ZNF804B: variants seen among roughly 807,000 people sequenced by gnomAD.
The protein encoded by ZNF804B is zinc finger protein 804B.
In ZNF804B, 80 loss-of-function variants were observed where a neutral mutation model predicts 101.4. That is an observed-to-expected ratio of 0.79 (90% CI 0.66 to 0.95). The LOEUF (loss-of-function observed/expected upper bound fraction) is 0.95. Ranked by LOEUF, ZNF804B falls within the 40% of genes least tolerant of loss-of-function variation. ZNF804B has a pLI of 0.00. For missense variants in ZNF804B, 1,673 were observed against 1,561.9 expected (o/e 1.07, Z -1.20); for synonymous variants, 622 against 558.8 (o/e 1.11, Z -1.59).
At chr7:89,157,775 G>C (rs976376451) in intron 1 of ZNF804B, among the ~76,000 whole-genome samples, 21 of 152,106 alleles carry the variant, frequency 1.4e-4, no homozygotes, top group Admixed American at 3.9e-4. Context: ...GAAGGTAAAA[G>C]ACAGGTCAGG....
intron 1 of ZNF804B, among the ~76,000 whole-genome samples, chr7:89,145,802 A>C (rs1790781935): frequency 6.6e-6 from 1 of 152,046 alleles, no homozygotes; most frequent in South Asian, 2.1e-4. Context: ...TCAGTGCACT[A>C]ATCCAGAGGA....
At chr7:89,184,338 T>C (rs1788342230) in intron 1 of ZNF804B, among the ~76,000 whole-genome samples, 1 of 152,210 alleles carries the variant, frequency 6.6e-6, no homozygotes, top group African/African-American at 2.4e-5. Context: ...ATCCAGGTTC[T>C]AGATTCATCT....
chr7:89,251,759 C>G (rs144156423), intron 2 of ZNF804B, among the ~76,000 whole-genome samples: 1 of 151,980 alleles, frequency 6.6e-6, no homozygotes, highest in Admixed American at 6.6e-5. Context: ...AAGCTGCACA[C>G]CTATAACCAT....
intron 2 of ZNF804B, among the ~76,000 whole-genome samples, chr7:89,300,078 A>G (rs1394744963): frequency 6.6e-6 from 1 of 151,518 alleles, no homozygotes; most frequent in African/African-American, 2.4e-5. Flanking sequence ...CTTTGCCTCC[A>G]GTCTTGCCCA....
In ZNF804B at chr7:89,015,699, G is replaced by A. The variant is rs1166039091; in HGVS notation, c.109-202456G>A. Reference sequence around the variant, plus strand: ...TTTTATGGCTGCATAGTATTCCATGGTGTATATGTGTCACATTTTCTTAAT... The same window carrying A: ...TTTTATGGCTGCATAGTATTCCATGATGTATATGTGTCACATTTTCTTAAT... On this transcript the variant is annotated intron_variant, in intron 1 of 3. Transcript: ENST00000333190. 4.2e-4 allele frequency among the ~76,000 whole-genome samples: 64 copies of A among 152,184 alleles called. No individual in the cohort carries two copies. In the East Asian group the frequency reaches 6.2e-3, roughly 15 times the overall value.
chr7:88,891,090 A>G (rs1792206910), intron 1 of ZNF804B, among the ~76,000 whole-genome samples: 1 of 152,164 alleles, frequency 6.6e-6, no homozygotes, highest in African/African-American at 2.4e-5. Context: ...CACACACAAC[A>G]GTGCATGACA....
intron 1 of ZNF804B, among the ~76,000 whole-genome samples, chr7:88,859,514 T>A (rs1473660705): frequency 6.6e-6 from 1 of 152,146 alleles, no homozygotes; most frequent in Non-Finnish European, 1.5e-5. Context: ...ATTTGGGGAA[T>A]AAGAATATAC....
At chr7:88,872,934 G>C (rs1301463451) in intron 1 of ZNF804B, among the ~76,000 whole-genome samples, 1 of 152,050 alleles carries the variant, frequency 6.6e-6, no homozygotes, top group East Asian at 1.9e-4. Flanking sequence ...AAATATACGT[G>C]TGCATGTGTC....
chr7:88,789,054 G>A (rs117149035), intron 1 of ZNF804B, among the ~76,000 whole-genome samples: 1 of 152,034 alleles, frequency 6.6e-6, no homozygotes, highest in East Asian at 1.9e-4. Flanking sequence ...AAACATACTA[G>A]CAAAAGTATT....
At chr7:89,061,637 C>T (rs761858826) in intron 1 of ZNF804B, among the ~76,000 whole-genome samples, 5 of 152,036 alleles carry the variant, frequency 3.3e-5, no homozygotes, top group Non-Finnish European at 7.4e-5. Flanking sequence ...GCTGTGTAAC[C>T]TTGTGTGAGT....
intron 1 of ZNF804B, among the ~76,000 whole-genome samples, chr7:89,186,571 A>G (rs1009519032): frequency 2.6e-5 from 4 of 151,816 alleles, no homozygotes; most frequent in Non-Finnish European, 5.9e-5. Flanking sequence ...ATACTTTCAG[A>G]TTTTATTTTC....
At chr7:89,322,840 C>T (rs1475268966) in intron 2 of ZNF804B, among the ~76,000 whole-genome samples, 1 of 152,088 alleles carries the variant, frequency 6.6e-6, no homozygotes, top group Non-Finnish European at 1.5e-5. Flanking sequence ...AGTGGTGACT[C>T]TAGTATTTTA....
chr7:89,309,203 A>C (rs1790613542), intron 2 of ZNF804B, among the ~76,000 whole-genome samples: 1 of 151,896 alleles, frequency 6.6e-6, no homozygotes, highest in Non-Finnish European at 1.5e-5. Context: ...ATGTGTACCC[A>C]ATGTTTAGCT....
chr7:89,335,859 G>T lies in ZNF804B; in HGVS notation c.2877G>T (p.Ser959=). 2 of 1,613,994 alleles carry T rather than the reference G, an allele frequency of 1.2e-6. No homozygotes were observed. The highest frequency in any genetic ancestry group is 1.7e-6 in the Non-Finnish European group (2 of 1,179,960). ...GTAAAAGTGAATTAGAGGCTCCTTC[G>T]CAAGTCCCATGCACAATTCAACTTG... is the stretch of plus-strand genomic sequence containing the variant. The part of the protein sequence containing the change: ...NSCKSELEAP[S]QVPCTIQLAP... Residue 959 remains serine (S), a synonymous_variant, in exon 4 of 4, where the codon TCG becomes TCT. Transcript: ENST00000333190.
chr7:89,239,289 A>G (rs1198574181), intron 2 of ZNF804B, among the ~76,000 whole-genome samples: 4 of 152,132 alleles, frequency 2.6e-5, no homozygotes, highest in Admixed American at 6.6e-5. Flanking sequence ...CAGAACTGCC[A>G]ATCAGGAAAT....
At chr7:89,084,126 T>C (rs1228850697) in intron 1 of ZNF804B, among the ~76,000 whole-genome samples, 2 of 151,912 alleles carry the variant, frequency 1.3e-5, no homozygotes, top group East Asian at 3.9e-4. Context: ...AGAAGCTTGA[T>C]CTATAGGCAG....
chr7:88,932,418 A>G (rs2116022605), intron 1 of ZNF804B, among the ~76,000 whole-genome samples: 1 of 152,060 alleles, frequency 6.6e-6, no homozygotes, highest in African/African-American at 2.4e-5. Flanking sequence ...AATAAATGAA[A>G]TTGAAACAAA....
chr7:88,907,968 T>G (rs1429896942), intron 1 of ZNF804B, among the ~76,000 whole-genome samples: 1 of 151,924 alleles, frequency 6.6e-6, no homozygotes, highest in Non-Finnish European at 1.5e-5. Context: ...AAAACAACTT[T>G]GTTATGAATT....
intron 1 of ZNF804B, among the ~76,000 whole-genome samples, chr7:89,181,603 T>C (rs1788299278): frequency 6.9e-6 from 1 of 144,580 alleles, no homozygotes; most frequent in Non-Finnish European, 1.6e-5. Flanking sequence ...TTCAAGACTG[T>C]CTTTCTTCAG....
Sources: gnomAD v4.1 joint callset for allele counts (sites outside exome capture counted in the v4.1 genomes callset) on GRCh38, gnomAD v4.1.1 for gene constraint, MANE v1.5 for transcripts, NCBI Gene and HGNC (gene_info 2026-07-23, HGNC 2026-07-21) for gene names.